PRELID2: variants seen among roughly 807,000 people sequenced by gnomAD.
The protein encoded by PRELID2 is PRELI domain-containing protein 2.
Under a neutral mutation model 28.4 loss-of-function variants are expected in PRELID2, and 25 were observed. The observed-to-expected ratio is 0.88, with a 90% confidence interval of 0.64 to 1.23. PRELID2 has a LOEUF of 1.23. PRELID2 is among the 50% of genes most tolerant of loss of function. The pLI is 0.00. For missense variants in PRELID2, 201 were observed against 214.4 expected, an observed-to-expected ratio of 0.94 and a Z score of 0.39; for synonymous variants, 76 against 71.6, an observed-to-expected ratio of 1.06 and a Z score of -0.31.
intron 5 of PRELID2, among the ~76,000 whole-genome samples, chr5:145,769,427 A>G (rs1486347788): frequency 6.6e-6 from 1 of 152,230 alleles, no homozygotes; most frequent in Admixed American, 6.5e-5. Flanking sequence ...GATTATTACT[A>G]AAAACACAAA....
intron 1 of PRELID2, among the ~76,000 whole-genome samples, chr5:145,717,815 T>C (rs1033990637): frequency 6.6e-6 from 1 of 151,882 alleles, no homozygotes; most frequent in African/African-American, 2.4e-5. Flanking sequence ...CTAAGATCAA[T>C]ACTATCAACA....
chr5:145,743,532 C>T (rs1756899047), intron 1 of PRELID2, among the ~76,000 whole-genome samples: 1 of 151,958 alleles, frequency 6.6e-6, no homozygotes, highest in African/African-American at 2.4e-5. Flanking sequence ...AGGAGGCTGG[C>T]AGGATCCATG....
At chr5:145,256,731 A>T in the PRELID2 span, among the ~76,000 whole-genome samples, 2 of 152,016 alleles carry the variant, frequency 1.3e-5, no homozygotes, top group Non-Finnish European at 2.9e-5. Context: ...AAATTCTTTA[A>T]AGTAGCCAGA....
chr5:145,725,854 GAAA>G (rs1756130416), intron 1 of PRELID2, among the ~76,000 whole-genome samples: 1 of 152,110 alleles, frequency 6.6e-6, no homozygotes, highest in South Asian at 2.1e-4. Context: ...ATTCTATAGG[GAAA>G]AACTTGATAA....
At chr5:145,356,478 A>G in the PRELID2 span, among the ~76,000 whole-genome samples, 34 of 150,820 alleles carry the variant, frequency 2.3e-4, no homozygotes, top group Non-Finnish European at 4.7e-4. Context: ...TCTATTTTGG[A>G]TGGTTCAGTC....
At chr5:145,391,697 T>C in the PRELID2 span, among the ~76,000 whole-genome samples, 2 of 152,078 alleles carry the variant, frequency 1.3e-5, no homozygotes, top group South Asian at 4.1e-4. Context: ...TTTTTTTTTT[T>C]TCTATTGCAT....
intron 1 of PRELID2, among the ~76,000 whole-genome samples, chr5:145,743,062 A>G (rs1374198153): frequency 6.6e-6 from 1 of 152,046 alleles, no homozygotes; most frequent in Admixed American, 6.6e-5. Context: ...TAAGAAAATT[A>G]GGGGGCGGGG....
At position 145,758,229 on chromosome 5, in the gene PRELID2, C is replaced by T. The variant is rs150482823; in HGVS notation, c.*2307G>A. ...AATAGGAAATACTAAAAAAGACCAA[C>T]GACACAACCGCACTGTGCTGGAACC... On this transcript the variant is annotated 3_prime_UTR_variant, in exon 7 of 7. Transcript: ENST00000683046. 5.1e-3 allele frequency among the ~76,000 whole-genome samples: 771 copies of T among 151,950 alleles called. 8 individuals are homozygous for T. Among genetic ancestry groups the T allele is most frequent in the African/African-American group, 0.017 (718 of 41,428 alleles).
At chr5:145,703,386 A>G (rs938621579) in intron 1 of PRELID2, among the ~76,000 whole-genome samples, 1 of 152,144 alleles carries the variant, frequency 6.6e-6, no homozygotes, top group African/African-American at 2.4e-5. Context: ...GGATTGTTCC[A>G]TCATCAGATT....
chr5:145,444,853 G>T, the PRELID2 span, among the ~76,000 whole-genome samples: 1 of 151,864 alleles, frequency 6.6e-6, no homozygotes, highest in Non-Finnish European at 1.5e-5. Context: ...AAGAGATAAA[G>T]AATCTACTTT....
At chr5:145,229,078 T>C in the PRELID2 span, 7 of 1,550,914 alleles carry the variant, frequency 4.5e-6, no homozygotes, top group African/African-American at 9.5e-5. Flanking sequence ...CACTACCTCC[T>C]GGGTACTTCT....
the PRELID2 span, among the ~76,000 whole-genome samples, chr5:145,247,709 T>C: frequency 0.082 from 12,533 of 152,108 alleles, 1,124 homozygotes; most frequent in African/African-American, 0.23. Flanking sequence ...AACAAGGTAC[T>C]GCCATTTGCA....
intron 1 of PRELID2, among the ~76,000 whole-genome samples, chr5:145,653,126 A>T (rs1422049838): frequency 6.6e-6 from 1 of 152,196 alleles, no homozygotes; most frequent in Non-Finnish European, 1.5e-5. Flanking sequence ...ACAGACTTTA[A>T]ACCAACAAAG....
the PRELID2 span, among the ~76,000 whole-genome samples, chr5:145,427,220 G>A: frequency 6.6e-6 from 1 of 152,178 alleles, no homozygotes; most frequent in African/African-American, 2.4e-5. Context: ...TGTTTTGCAA[G>A]AAAATCCCTA....
In PRELID2 at chr5:145,757,857, TATGTGAAGCTGGAAGCAA is replaced by T. The variant is rs1338790629; in HGVS notation, c.*2661_*2678del. The stretch of plus-strand genomic sequence containing the variant: ...AAGACCATAAAATTTCTAAGCCATA[TATGTGAAGCTGGAAGCAA>T]TAGCTGCCTGCAGGGGGAAAATTAC... On this transcript the variant is annotated 3_prime_UTR_variant, in exon 7 of 7. Transcript: ENST00000683046. 2.0e-5 allele frequency among the ~76,000 whole-genome samples: 3 copies of T among 146,622 alleles called. No homozygotes were observed. Among genetic ancestry groups the T allele is most frequent in the East Asian group, 3.9e-4 (2 of 5,066 alleles).
chr5:145,667,302 C>T (rs564353004), intron 1 of PRELID2, among the ~76,000 whole-genome samples: 18 of 152,078 alleles, frequency 1.2e-4, no homozygotes, highest in Admixed American at 1.1e-3. Flanking sequence ...GTTTTAAAGA[C>T]CTGCATTCAA....
At chr5:145,491,554 CTT>C (rs1752268551) in intron 1 of PRELID2, among the ~76,000 whole-genome samples, 1 of 151,910 alleles carries the variant, frequency 6.6e-6, no homozygotes, top group Non-Finnish European at 1.5e-5. Flanking sequence ...TGTGGTAACA[CTT>C]AACATACACT....
At chr5:145,496,159 C>T (rs949927827) in intron 1 of PRELID2, among the ~76,000 whole-genome samples, 6 of 152,072 alleles carry the variant, frequency 3.9e-5, no homozygotes, top group African/African-American at 1.4e-4. Flanking sequence ...TAGGAGCTTA[C>T]ATGCATATAG....
chr5:145,382,752 T>G, the PRELID2 span, among the ~76,000 whole-genome samples: 1 of 152,038 alleles, frequency 6.6e-6, no homozygotes, highest in African/African-American at 2.4e-5. Flanking sequence ...TGGCAACACA[T>G]TCCCTTAGCA....
Sources: gnomAD v4.1 joint callset for allele counts (sites outside exome capture counted in the v4.1 genomes callset) on GRCh38, gnomAD v4.1.1 for gene constraint, MANE v1.5 for transcripts, NCBI Gene and HGNC (gene_info 2026-07-23, HGNC 2026-07-21) for gene names.